Variants in RSRC2 observed in about 807,000 individuals in gnomAD.
RSRC2 encodes the protein arginine and serine rich coiled-coil 2.
In RSRC2, 5 loss-of-function variants were observed where a neutral mutation model predicts 61.3. The ratio of observed to expected loss-of-function variants is 0.08; its 90% CI spans 0.04 to 0.17. RSRC2 has a LOEUF of 0.17. Among genes scored for constraint, RSRC2 ranks in the 10% least tolerant of loss-of-function variants. The probability of loss-of-function intolerance (pLI) is 1.00; values close to 1 mark genes in which losing one functional copy is unlikely to be tolerated. For missense variants in RSRC2, 381 were observed against 518.8 expected, an observed-to-expected ratio of 0.73 and a Z score of 2.58; for synonymous variants, 202 against 166.5, an observed-to-expected ratio of 1.21 and a Z score of -1.64.
rs1565891006 is a variant in RSRC2 at position 122,511,140 on chromosome 12, A to AC, written c.773_774insG (p.Glu259Ter). ...CTATTTCTTGTTGTTTTTGTTTTTC[A>AC]ACCATTTCCTTTTCTCGCTGTTCTT... On this transcript the variant is annotated frameshift_variant, in exon 7 of 10. Coordinates refer to ENST00000331738, the MANE Select transcript of RSRC2 (RefSeq NM_023012.6). LOFTEE classifies it high-confidence loss of function. The AC allele has an allele frequency of 6.2e-7, 1 of 1,607,686 alleles. No homozygotes were observed.
intron 2 of RSRC2, 51 bp downstream of exon 2, chr12:122,522,092 A>G (rs763074591): frequency 2.5e-5 from 38 of 1,541,466 alleles, no homozygotes; most frequent in Non-Finnish European, 3.3e-5. Flanking sequence ...CAACAGGTCT[A>G]CATATCTTAT....
rs1042202502 is a variant in RSRC2, at chr12:122,514,554, T to G, written c.725+551A>C. On this transcript the variant is annotated intron_variant, in intron 6 of 9. Coordinates refer to ENST00000331738, the MANE Select transcript of RSRC2 (RefSeq NM_023012.6). ...ATGCCGGGATTACAGGTGTGACCGA[T>G]TGCACCCGGCCGAAACAGCAGAAAA... 4.1e-6 allele frequency: 4 copies of G among 974,226 alleles called. No homozygotes were observed. The African/African-American group carries it at 7.1e-5, about 17-fold the overall frequency. The allele number at this position is 974,226 out of a possible 1,614,324, so 60.3% of individuals were successfully genotyped here.
intron 8 of RSRC2, 200 bp downstream of exon 8, chr12:122,508,018 G>A (rs933271362): frequency 6.4e-6 from 4 of 623,836 alleles, no homozygotes; most frequent in Non-Finnish European, 1.1e-5. Context: ...TGGCCAGGCT[G>A]GTCTTGGACT....
intron 6 of RSRC2, among the ~76,000 whole-genome samples, chr12:122,512,289 G>T (rs1461074767): frequency 1.3e-5 from 2 of 152,150 alleles, no homozygotes; most frequent in Non-Finnish European, 2.9e-5. Context: ...TCTTCCTAAG[G>T]ATTCCCTGAT....
chr12:122,512,275 CTT>C (rs1958579405), intron 6 of RSRC2, among the ~76,000 whole-genome samples: 1 of 152,214 alleles, frequency 6.6e-6, no homozygotes, highest in African/African-American at 2.4e-5. Flanking sequence ...AAGAGGAACT[CTT>C]TTCTTCCTAA....
intron 1 of RSRC2, 32 bp downstream of exon 1, chr12:122,526,816 T>C (rs1350668663): frequency 1.2e-6 from 2 of 1,613,654 alleles, no homozygotes; most frequent in African/African-American, 2.7e-5. Flanking sequence ...CAGAAAAATA[T>C]CCCTGGCTTT....
chr12:122,520,147 T>C (rs1300511827), intron 3 of RSRC2: 1 of 212,426 alleles, frequency 4.7e-6, no homozygotes, highest in Non-Finnish European at 9.7e-6. Flanking sequence ...TCACGATTAA[T>C]GTTTCTTAAA....
intron 6 of RSRC2, 113 bp downstream of exon 6, chr12:122,514,992 C>G: frequency 8.6e-7 from 1 of 1,162,924 alleles, no homozygotes; most frequent in South Asian, 1.5e-5. Context: ...AATATGCCAC[C>G]ATATTACTAA....
At chr12:122,507,822 A>T (rs968646566) in intron 8 of RSRC2, 5 of 217,022 alleles carry the variant, frequency 2.3e-5, no homozygotes, top group Admixed American at 5.3e-5. Flanking sequence ...AGTAGCTGGG[A>T]TTACAGGTGC....
In RSRC2 at chr12:122,515,097, A is replaced by G; in HGVS notation, c.725+8T>C. On this transcript the variant is annotated splice_region_variant and intron_variant, in intron 6 of 9. Coordinates refer to ENST00000331738, the MANE Select transcript of RSRC2 (RefSeq NM_023012.6). Reference sequence around the variant, plus strand: ...AACTGGAACAAATGAATTAAGAAATATACACACCTTCTAGCTAAAGCTTCC... The same window carrying G: ...AACTGGAACAAATGAATTAAGAAATGTACACACCTTCTAGCTAAAGCTTCC... 2 of 1,612,336 alleles carry G rather than the reference A, an allele frequency of 1.2e-6. No homozygotes were observed. Among genetic ancestry groups the G allele is most frequent in the Non-Finnish European group, 1.7e-6 (2 of 1,179,484 alleles).
chr12:122,522,254 G>A lies in RSRC2; in HGVS notation c.52C>T (p.Pro18Ser), dbSNP rs749222486. ...RDGLAPEKTS[P>S]DRDKKKEQSE... Reference sequence around the variant, plus strand: ...TGCTCTTTTTTCTTATCTCTATCTGGTGATGTCTTTTCTGGGGCTAGTCCA... The same window carrying A: ...TGCTCTTTTTTCTTATCTCTATCTGATGATGTCTTTTCTGGGGCTAGTCCA... Residue 18 changes from proline to serine, a missense_variant, in exon 2 of 10, where the codon CCA becomes TCA. Physicochemically the swap from Pro to Ser is moderately conservative, Grantham distance 74. Coordinates refer to ENST00000331738, the MANE Select transcript of RSRC2 (RefSeq NM_023012.6). The A allele has an allele frequency of 5.6e-6, 9 of 1,613,672 alleles. No individual in the cohort carries two copies. The highest frequency in any genetic ancestry group is 5.5e-5 in the South Asian group (5 of 91,008).
chr12:122,511,113 A>G lies in RSRC2; in HGVS notation c.801T>C (p.Ala267=). The change falls in exon 7 of 10, where the codon GCT becomes GCC. Residue 267 remains alanine (A), a synonymous_variant. Transcript: ENST00000331738. The part of the protein sequence containing the change: ...MVEKQKQQEI[A]AAAATGGSVL... ...AAAAAGAATGAAAAAAATTACCTGCAGCTATTTCTTGTTGTTTTTGTTTTT... is the reference window on the plus strand; with the variant it reads ...AAAAAGAATGAAAAAAATTACCTGCGGCTATTTCTTGTTGTTTTTGTTTTT... 1 of 1,598,822 alleles carries G rather than the reference A, an allele frequency of 6.3e-7. No homozygotes were observed. Among genetic ancestry groups the G allele is most frequent in the Non-Finnish European group, 8.5e-7 (1 of 1,175,912 alleles).
intron 8 of RSRC2, among the ~76,000 whole-genome samples, chr12:122,507,715 G>A (rs1039402532): frequency 4.0e-4 from 36 of 89,324 alleles, no homozygotes; most frequent in African/African-American, 1.5e-3. Flanking sequence ...GTGCAGTGGC[G>A]TGATTTTTTT....
At chr12:122,511,777 T>G (rs1488384181) in intron 6 of RSRC2, among the ~76,000 whole-genome samples, 1 of 151,976 alleles carries the variant, frequency 6.6e-6, no homozygotes, top group African/African-American at 2.4e-5. Flanking sequence ...ACAAAGGAAC[T>G]AGTAACATGA....
chr12:122,511,070 C>T, intron 7 of RSRC2, 39 bp downstream of exon 7: 1 of 1,464,462 alleles, frequency 6.8e-7, no homozygotes, highest in Non-Finnish European at 9.4e-7. Context: ...CTTGAAAGAG[C>T]TCAAATCGAG....
chr12:122,505,205 T>C lies in RSRC2; in HGVS notation c.*322A>G. The C allele has an allele frequency of 4.6e-6, 1 of 219,028 alleles. No homozygotes were observed. Among genetic ancestry groups the C allele is most frequent in the East Asian group, 1.0e-4 (1 of 10,022 alleles). The allele number at this position is 219,028 out of a possible 1,614,324, so 13.6% of individuals were successfully genotyped here. On this transcript the variant is annotated 3_prime_UTR_variant, in exon 10 of 10. Transcript: ENST00000331738. Reference sequence around the variant, plus strand: ...AACTGTACAAGGTTAAGTACAAAAGTACACAAGACAGCGGACACGAAAAAA... The same window carrying C: ...AACTGTACAAGGTTAAGTACAAAAGCACACAAGACAGCGGACACGAAAAAA...
intron 3 of RSRC2, chr12:122,520,908 C>T: frequency 4.2e-6 from 1 of 237,860 alleles, no homozygotes; most frequent in South Asian, 4.8e-5. Context: ...TCACTCAAAC[C>T]TTTATTTCAA....
At chr12:122,517,557 G>A (rs939015320) in intron 4 of RSRC2, 127 bp from the exon 5 acceptor site, 33 of 1,106,630 alleles carry the variant, frequency 3.0e-5, no homozygotes, top group Non-Finnish European at 3.8e-5. Context: ...ATTATTTACA[G>A]AAATAAGCGA....
rs1445826875 is a variant in RSRC2 at position 122,503,559 on chromosome 12, C to G, written c.*1968G>C. On this transcript the variant is annotated 3_prime_UTR_variant, in exon 10 of 10. Coordinates refer to ENST00000331738, the MANE Select transcript of RSRC2 (RefSeq NM_023012.6). The stretch of plus-strand genomic sequence containing the variant: ...AGCTCCTAAAATAACTGTAGACACA[C>G]AGGAAGCTTTTGCGTCCACACTGCC... 1 of 152,184 alleles carries G rather than the reference C, an allele frequency of 6.6e-6. No homozygotes were observed. Among genetic ancestry groups the G allele is most frequent in the Admixed American group, 6.5e-5 (1 of 15,274 alleles). The allele number at this position is 152,184 out of a possible 1,614,324, so 9.4% of individuals were successfully genotyped here. A position where few individuals can be genotyped will look rare whatever the true frequency, so the allele number is the denominator to read the frequency against.
Sources: allele counts gnomAD v4.1 joint callset (sites outside exome capture counted in the v4.1 genomes callset), GRCh38; gene constraint gnomAD v4.1.1; transcripts MANE v1.5; gene names NCBI Gene and HGNC (gene_info 2026-07-23, HGNC 2026-07-21).